Variants in FASTKD2 observed in about 807,000 individuals in gnomAD.
FASTKD2 encodes FAST kinase domains 2.
Under a neutral mutation model 63.6 loss-of-function variants are expected in FASTKD2, and 51 were observed. The observed-to-expected ratio is 0.80, with a 90% CI of 0.64 to 1.01. The LOEUF (loss-of-function observed/expected upper bound fraction) is 1.01. Ranked by LOEUF, FASTKD2 falls within the 50% of genes least tolerant of loss-of-function variation. The probability of loss-of-function intolerance (pLI) is 0.00; values close to 1 mark genes in which losing one functional copy is unlikely to be tolerated. For synonymous variants in FASTKD2, 284 were observed against 293.4 expected, an observed-to-expected ratio of 0.97 and a Z score of 0.33; for missense variants, 786 against 831.1, an observed-to-expected ratio of 0.95 and a Z score of 0.67.
intron 2 of FASTKD2, among the ~76,000 whole-genome samples, chr2:206,767,990 G>C (rs973691292): frequency 3.9e-5 from 6 of 152,202 alleles, no homozygotes; most frequent in Non-Finnish European, 7.3e-5. Context: ...TGATGGAGTT[G>C]TATGTTTGAG....
At chr2:206,791,441 C>A in intron 11 of FASTKD2, 1 of 481,900 alleles carries the variant, frequency 2.1e-6, no homozygotes, top group Non-Finnish European at 3.7e-6. Flanking sequence ...AAGATTTTCT[C>A]AAGAAAGCAG....
rs572558874 is a variant in FASTKD2 at position 206,793,943 on chromosome 2, G to T, written c.*2141G>T. On this transcript the variant is annotated 3_prime_UTR_variant, in exon 12 of 12. Transcript: ENST00000402774. ...TTTTAAGAATTACAGTGCTGATGAA[G>T]GTATAATGAGGCAAGCACTTGCATA... Among the ~76,000 whole-genome samples the T allele has an allele frequency of 8.5e-5, 13 of 152,284 alleles. No homozygotes were observed. In the South Asian group the frequency reaches 2.5e-3, roughly 29 times the overall value.
chr2:206,794,563 T>C lies in FASTKD2; in HGVS notation c.*2761T>C, dbSNP rs564270433. ...CCCAGCTCAATTCTTGATTGAGACA[T>C]TTACCAGCTCTCCGAATTCTCAGTA... On this transcript the variant is annotated 3_prime_UTR_variant, in exon 12 of 12. Transcript: ENST00000402774. 1.3e-5 allele frequency among the ~76,000 whole-genome samples: 2 copies of C among 152,262 alleles called. No individual in the cohort carries two copies. The highest frequency in any genetic ancestry group is 4.8e-5 in the African/African-American group (2 of 41,566).
chr2:206,790,796 A>G lies in FASTKD2; in HGVS notation c.2013+110A>G, dbSNP rs961473592. On this transcript the variant is annotated intron_variant, in intron 11 of 11. Transcript: ENST00000402774. ...TACTAGGACTAGAGGAATTGTCAGC[A>G]TTATTGGAATGAGTGCTTTAGTTAC... is the stretch of plus-strand genomic sequence containing the variant. 5.3e-6 allele frequency: 4 copies of G among 760,640 alleles called. No homozygotes were observed. The African/African-American group carries it at 6.8e-5, about 13-fold the overall frequency. 47.1% of individuals were successfully genotyped at this position (760,640 alleles called of 1,614,324 possible).
chr2:206,787,667 T>A (rs1391394260), intron 8 of FASTKD2, among the ~76,000 whole-genome samples: 1 of 152,092 alleles, frequency 6.6e-6, no homozygotes, highest in Non-Finnish European at 1.5e-5. Context: ...GGGCATTTCC[T>A]TATCCATAAA....
intron 7 of FASTKD2, among the ~76,000 whole-genome samples, chr2:206,780,961 C>G (rs1014454140): frequency 2.6e-5 from 4 of 152,104 alleles, no homozygotes; most frequent in Non-Finnish European, 4.4e-5. Context: ...TTAGTTCTTT[C>G]TATAGTTTAT....
chr2:206,767,515 A>T lies in FASTKD2; in HGVS notation c.777+45A>T. The stretch of plus-strand genomic sequence containing the variant: ...TAAACATGCATTTACTTGATTTAGA[A>T]TATTTTGAAAGAATGAAGGGATATA... On this transcript the variant is annotated intron_variant, in intron 2 of 11. Transcript: ENST00000402774. 3 of 1,498,552 alleles carry T rather than the reference A, an allele frequency of 2.0e-6. No individual in the cohort carries two copies. In the Admixed American group the frequency reaches 5.1e-5, roughly 25 times the overall value. The allele number at this position is 1,498,552 out of a possible 1,614,324, so 92.8% of individuals were successfully genotyped here.
intron 7 of FASTKD2, among the ~76,000 whole-genome samples, chr2:206,778,236 A>G (rs1689874573): frequency 6.6e-6 from 1 of 151,538 alleles, no homozygotes; most frequent in African/African-American, 2.4e-5. Context: ...GTGTAAATTT[A>G]GGTTTTTTAT....
chr2:206,769,302 G>T (rs955801936), intron 2 of FASTKD2, among the ~76,000 whole-genome samples: 16 of 152,184 alleles, frequency 1.1e-4, no homozygotes, highest in African/African-American at 3.9e-4. Flanking sequence ...ATTATTACCT[G>T]GTTCTGACTT....
At chr2:206,777,292 A>T (rs1383938119) in intron 7 of FASTKD2, among the ~76,000 whole-genome samples, 4 of 152,162 alleles carry the variant, frequency 2.6e-5, no homozygotes, top group Non-Finnish European at 5.9e-5. Context: ...ATCATCGAAT[A>T]TGATGTTAGC....
chr2:206,788,747 AAGG>A, intron 9 of FASTKD2, 69 bp from the exon 10 acceptor site: 5 of 793,542 alleles, frequency 6.3e-6, no homozygotes, highest in Admixed American at 2.3e-5. Flanking sequence ...AAAAAAAAAA[AAGG>A]AAAAGAAAAG....
At chr2:206,778,845 A>T (rs1188472610) in intron 7 of FASTKD2, among the ~76,000 whole-genome samples, 3 of 152,062 alleles carry the variant, frequency 2.0e-5, no homozygotes, top group Non-Finnish European at 2.9e-5. Flanking sequence ...TGTGCATGTG[A>T]AGGCTCTAGG....
In FASTKD2 at chr2:206,795,607, A is replaced by G. The variant is rs1047667543; in HGVS notation, c.*3805A>G. 1.3e-5 allele frequency among the ~76,000 whole-genome samples: 2 copies of G among 152,160 alleles called. No individual in the cohort carries two copies. Among genetic ancestry groups the G allele is most frequent in the Non-Finnish European group, 2.9e-5 (2 of 68,024 alleles). On this transcript the variant is annotated 3_prime_UTR_variant, in exon 12 of 12. Transcript: ENST00000402774. Reference sequence around the variant, plus strand: ...GTGCCGTGACTCACTGGTGGATCCAAAAAAAGCTGAAGCCTACATTTCCCA... The same window carrying G: ...GTGCCGTGACTCACTGGTGGATCCAGAAAAAGCTGAAGCCTACATTTCCCA...
At chr2:206,787,885 TA>T in intron 8 of FASTKD2, 51 bp from the exon 9 acceptor site, 3 of 970,812 alleles carry the variant, frequency 3.1e-6, no homozygotes, top group Non-Finnish European at 3.3e-6. Flanking sequence ...TATAGTTTTT[TA>T]ATGTTGCATT....
Position 206,766,684 on chromosome 2 carries a change from C to T in FASTKD2, c.-10C>T. The T allele has an allele frequency of 6.2e-7, 1 of 1,612,362 alleles. No individual in the cohort carries two copies. The highest frequency in any genetic ancestry group is 8.5e-7 in the Non-Finnish European group (1 of 1,178,432). On this transcript the variant is annotated 5_prime_UTR_variant, in exon 2 of 12. It adds an upstream start codon to the 5' untranslated region. Transcript: ENST00000402774. ...TGTTCTTTTTCACTAGTAGAAGTGA[C>T]GTTGGTTTCATGTTGACAACTTTGA... is the stretch of plus-strand genomic sequence containing the variant.
chr2:206,771,328 A>G lies in FASTKD2; in HGVS notation c.990+38A>G, dbSNP rs1179856008. 4.0e-6 allele frequency: 5 copies of G among 1,253,148 alleles called. No individual in the cohort carries two copies. The Admixed American group carries it at 6.7e-5, about 17-fold the overall frequency. 77.6% of individuals were successfully genotyped at this position (1,253,148 alleles called of 1,614,324 possible). A position where few individuals can be genotyped will look rare whatever the true frequency, so the allele number is the denominator to read the frequency against. ...ATTTTCTCTAGTGGATGAGATTTGAAAAAATCTTTCTTATAACCTGCTATC... is the reference window on the plus strand; with the variant it reads ...ATTTTCTCTAGTGGATGAGATTTGAGAAAATCTTTCTTATAACCTGCTATC... On this transcript the variant is annotated intron_variant, in intron 4 of 11. Coordinates refer to ENST00000402774, the MANE Select transcript of FASTKD2 (RefSeq NM_001136193.2).
At chr2:206,786,213 G>T (rs150390604) in intron 7 of FASTKD2, among the ~76,000 whole-genome samples, 1 of 152,114 alleles carries the variant, frequency 6.6e-6, no homozygotes, top group Admixed American at 6.6e-5. Context: ...GCTTAACCAC[G>T]TTATACTGTG....
intron 6 of FASTKD2, among the ~76,000 whole-genome samples, 187 bp from the exon 7 acceptor site, chr2:206,774,038 C>G (rs1689756253): frequency 6.6e-6 from 1 of 152,044 alleles, no homozygotes; most frequent in Non-Finnish European, 1.5e-5. Flanking sequence ...ATACCCAATT[C>G]AAGAATTAAT....
At chr2:206,775,337 T>G (rs1689794027) in intron 7 of FASTKD2, among the ~76,000 whole-genome samples, 1 of 151,890 alleles carries the variant, frequency 6.6e-6, no homozygotes, top group Non-Finnish European at 1.5e-5. Context: ...ATGCCTTTTT[T>G]TTTTTTAGCA....
Sources: allele counts gnomAD v4.1 joint callset (sites outside exome capture counted in the v4.1 genomes callset), GRCh38; gene constraint gnomAD v4.1.1; transcripts MANE v1.5; gene names NCBI Gene and HGNC (gene_info 2026-07-23, HGNC 2026-07-21).